Variants in BTBD2 observed in about 807,000 individuals in gnomAD.
BTBD2 encodes BTB/POZ domain-containing protein 2.
In BTBD2, 15 loss-of-function variants were observed where a neutral mutation model predicts 44.0. The observed-to-expected ratio is 0.34, with a 90% CI of 0.23 to 0.53. BTBD2 has a LOEUF of 0.53. Ranked by LOEUF, BTBD2 falls within the 20% of genes least tolerant of loss-of-function variation. The pLI, the probability that BTBD2 is intolerant of heterozygous loss-of-function variation, is 0.95. For synonymous variants in BTBD2, 443 were observed against 335.9 expected (o/e 1.32, Z -3.49); for missense variants, 657 against 746.4 (o/e 0.88, Z 1.39).
In BTBD2 at chr19:2,015,444, G is replaced by T. The variant is rs755065789; in HGVS notation, c.260C>A (p.Ala87Glu). Residue 87 changes from alanine to glutamate, a missense_variant, in exon 1 of 9, where the codon GCG becomes GAG. Physicochemically the swap from Ala to Glu is moderately radical, Grantham distance 107 (BLOSUM62 -1). Transcript: ENST00000255608. ...GTTGTACGCGGCCTCGCGCTGCAGC[G>T]CCGCCGCCCCCGGGCCCGCCGCCTC... is the stretch of plus-strand genomic sequence containing the variant. ...AEEAAGPGAA[A>E]LQREAAYNWQ... is the part of the protein sequence containing the mutation. 1.6e-5 allele frequency: 23 copies of T among 1,435,668 alleles called. 1 individual carries two copies. The South Asian group carries it at 3.0e-4, about 19-fold the overall frequency. The allele number at this position is 1,435,668 out of a possible 1,614,324, so 88.9% of individuals were successfully genotyped here.
At chr19:2,008,269 GCTGGGATTACAGGGGTGAGCCA>G (rs2016419403) in intron 1 of BTBD2, among the ~76,000 whole-genome samples, 1 of 151,132 alleles carries the variant, frequency 6.6e-6, no homozygotes, top group African/African-American at 2.4e-5. Context: ...CTCCCAAAGT[GCTGGGATTACAGGGGTGAGCCA>G]CTGCGCCCAC....
chr19:2,003,832 A>G (rs1021040557), intron 1 of BTBD2, among the ~76,000 whole-genome samples: 3 of 151,766 alleles, frequency 2.0e-5, no homozygotes, highest in Admixed American at 6.6e-5. Context: ...CTGGACCCCA[A>G]AATCACTACT....
At chr19:2,003,304 T>G (rs2016352758) in intron 1 of BTBD2, 2 of 151,612 alleles carry the variant, frequency 1.3e-5, no homozygotes, top group African/African-American at 4.9e-5. Context: ...AAACCCCGTC[T>G]CTGCTAAAAA....
chr19:2,015,541 G>GGGCGGC lies in BTBD2; in HGVS notation c.157_162dup (p.Ala53_Ala54dup), dbSNP rs533915623. ...GGCGGGGCGGGCGGCGTCGGCCCAG[G>GGGCGGC]GGCGGCGGCGGCGGCGGCGGCGGCG... is the stretch of plus-strand genomic sequence containing the variant. On this transcript the variant is annotated inframe_insertion, in exon 1 of 9. Coordinates refer to ENST00000255608, the MANE Select transcript of BTBD2 (RefSeq NM_017797.4). 1,465 of 911,082 alleles carry GGGCGGC rather than the reference G, an allele frequency of 1.6e-3. 3 individuals carry two copies. The highest frequency in any genetic ancestry group is 4.1e-3 in the South Asian group (81 of 19,556). The allele number at this position is 911,082 out of a possible 1,614,324, so 56.4% of individuals were successfully genotyped here.
chr19:2,015,188 GGAGGGGTGCGGGGGTCTCGGGGACA>G (rs2016517846), intron 1 of BTBD2, 84 bp downstream of exon 1: 30 of 1,377,612 alleles, frequency 2.2e-5, no homozygotes, highest in Non-Finnish European at 2.7e-5. Context: ...GCTCGGGGAT[GGAGGGGTGCGGGGGTCTCGGGGACA>G]GAGGGGTGCA....
At chr19:2,007,584 C>T (rs547335142) in intron 1 of BTBD2, among the ~76,000 whole-genome samples, 1 of 152,240 alleles carries the variant, frequency 6.6e-6, no homozygotes, top group East Asian at 1.9e-4. Context: ...ACCTGTAATC[C>T]CAGTACTTTG....
At chr19:1,990,365 A>C in intron 4 of BTBD2, 164 bp from the exon 5 acceptor site, 1 of 717,140 alleles carries the variant, frequency 1.4e-6, no homozygotes, top group Non-Finnish European at 2.3e-6. Flanking sequence ...AGCTTTATCA[A>C]CACAAGACCA....
At chr19:1,988,975 C>T (rs570663056) in intron 5 of BTBD2, among the ~76,000 whole-genome samples, 80 of 151,380 alleles carry the variant, frequency 5.3e-4, no homozygotes, top group Middle Eastern at 3.5e-3. Context: ...TGCAGTGGCG[C>T]GATCTCGGCT....
rs375769877 is a variant in BTBD2, at chr19:1,987,713, G to T, written c.989-21C>A. 2.5e-6 allele frequency: 4 copies of T among 1,569,336 alleles called. No individual in the cohort carries two copies. In the East Asian group the frequency reaches 6.8e-5, roughly 27 times the overall value. Reference sequence around the variant, plus strand: ...GGGACCTGCAGCACAGGGAGGGTGTGGGGGAGGGCCGGGCTGCACCCCAGG... The same window carrying T: ...GGGACCTGCAGCACAGGGAGGGTGTTGGGGAGGGCCGGGCTGCACCCCAGG... On this transcript the variant is annotated intron_variant, in intron 5 of 8. Transcript: ENST00000255608.
At chr19:1,987,116 A>G (rs1235867521) in intron 7 of BTBD2, 50 bp downstream of exon 7, 1 of 1,599,372 alleles carries the variant, frequency 6.3e-7, no homozygotes, top group Non-Finnish European at 8.6e-7. Flanking sequence ...GGAGGTGGAG[A>G]GAGGACATGG....
intron 1 of BTBD2, among the ~76,000 whole-genome samples, 196 bp downstream of exon 1, chr19:2,015,101 C>T (rs113456292): frequency 5.4e-5 from 8 of 147,902 alleles, no homozygotes; most frequent in Admixed American, 2.0e-4. Context: ...AGGTGCAGGC[C>T]CCGGGGTGCA....
At chr19:1,990,300 C>T (rs529098679) in intron 4 of BTBD2, 99 bp from the exon 5 acceptor site, 3 of 1,375,260 alleles carry the variant, frequency 2.2e-6, no homozygotes, top group African/African-American at 2.9e-5. Context: ...TAAAGCCGGG[C>T]TGGCAACTAT....
intron 1 of BTBD2, among the ~76,000 whole-genome samples, chr19:2,010,151 C>CA (rs1568223507): frequency 2.6e-5 from 4 of 151,466 alleles, no homozygotes; most frequent in South Asian, 4.2e-4. Flanking sequence ...GACTCCGTCT[C>CA]AAAAAAAAGA....
intron 2 of BTBD2, among the ~76,000 whole-genome samples, chr19:1,994,985 T>C (rs146692046): frequency 1.7e-3 from 257 of 152,252 alleles, no homozygotes; most frequent in African/African-American, 5.9e-3. Flanking sequence ...TTGTTGTTGT[T>C]GAGACAGAGT....
At chr19:2,000,838 AC>A (rs2016320697) in intron 1 of BTBD2, among the ~76,000 whole-genome samples, 1 of 152,154 alleles carries the variant, frequency 6.6e-6, no homozygotes, top group African/African-American at 2.4e-5. Context: ...CTGGAACACG[AC>A]CCAGCCACAA....
At chr19:1,987,419 CAT>C in intron 6 of BTBD2, 79 bp downstream of exon 6, 1 of 1,353,940 alleles carries the variant, frequency 7.4e-7, no homozygotes, top group Non-Finnish European at 9.9e-7. Flanking sequence ...TCTCCACCCC[CAT>C]GCCCGGCCCC....
At chr19:2,006,464 G>A (rs930276337) in intron 1 of BTBD2, among the ~76,000 whole-genome samples, 2 of 148,766 alleles carry the variant, frequency 1.3e-5, no homozygotes, top group Non-Finnish European at 3.0e-5. Flanking sequence ...CTGACACTGT[G>A]CCACTGCACT....
At chr19:1,998,541 T>C (rs2016281817) in intron 1 of BTBD2, among the ~76,000 whole-genome samples, 1 of 152,178 alleles carries the variant, frequency 6.6e-6, no homozygotes, top group African/African-American at 2.4e-5. Context: ...GCCCACTCAG[T>C]GGCTCAGATC....
chr19:2,014,536 G>A (rs1456371012), intron 1 of BTBD2: 2 of 152,426 alleles, frequency 1.3e-5, no homozygotes, highest in Non-Finnish European at 2.9e-5. Context: ...CCAGGGATCT[G>A]GGGGCAGAGG....
Sources: allele counts gnomAD v4.1 joint callset (sites outside exome capture counted in the v4.1 genomes callset), GRCh38; gene constraint gnomAD v4.1.1; transcripts MANE v1.5; gene names NCBI Gene and HGNC (gene_info 2026-07-23, HGNC 2026-07-21).